Variants in GXYLT2 observed in about 807,000 individuals in gnomAD.
The protein encoded by GXYLT2 is glycosyltransferase 8 domain containing 4.
In GXYLT2, 53 loss-of-function variants were observed where a neutral mutation model predicts 45.8. That is an observed-to-expected ratio of 1.16 (90% confidence interval 0.93 to 1.46). GXYLT2 has a LOEUF of 1.46. Among genes scored for constraint, GXYLT2 ranks in the 40% most tolerant of loss-of-function variants. GXYLT2 has a pLI of 0.00. For missense variants in GXYLT2, 551 were observed against 544.4 expected (o/e 1.01, Z -0.12); for synonymous variants, 219 against 214.2 (o/e 1.02, Z -0.19).
Position 72,922,179 on chromosome 3 carries a change from T to A in GXYLT2, c.469-25T>A. The A allele has an allele frequency of 1.9e-6, 3 of 1,609,200 alleles. No individual in the cohort carries two copies. The South Asian group carries it at 3.3e-5, about 18-fold the overall frequency. On this transcript the variant is annotated intron_variant, in intron 2 of 6. Transcript: ENST00000389617. ...CATATTTCCTAGGGCCTAATCACCC[T>A]TCCCTTGCTTCCCATGTTTTTCAGT...
At chr3:72,914,261 T>C (rs1709687883) in intron 2 of GXYLT2, among the ~76,000 whole-genome samples, 2 of 152,200 alleles carry the variant, frequency 1.3e-5, no homozygotes, top group Non-Finnish European at 2.9e-5. Context: ...TTGCCATCTA[T>C]GTGGTAGATA....
At chr3:72,907,679 A>T (rs1473958771) in intron 1 of GXYLT2, among the ~76,000 whole-genome samples, 3 of 151,990 alleles carry the variant, frequency 2.0e-5, no homozygotes, top group Non-Finnish European at 4.4e-5. Context: ...TTTCAGATTA[A>T]CCTACCCCCT....
At chr3:72,926,482 G>A (rs1322571874) in intron 3 of GXYLT2, among the ~76,000 whole-genome samples, 4 of 152,106 alleles carry the variant, frequency 2.6e-5, no homozygotes, top group African/African-American at 4.8e-5. Context: ...AAAACAATAT[G>A]CCAATTACAA....
At chr3:72,894,776 G>A (rs989328675) in intron 1 of GXYLT2, among the ~76,000 whole-genome samples, 1 of 152,234 alleles carries the variant, frequency 6.6e-6, no homozygotes, top group Non-Finnish European at 1.5e-5. Context: ...AGGATGGCAA[G>A]TGAAAACGCT....
chr3:72,922,138 C>T, intron 2 of GXYLT2, 66 bp from the exon 3 acceptor site: 1 of 1,470,692 alleles, frequency 6.8e-7, no homozygotes, highest in Non-Finnish European at 9.3e-7. Context: ...CATCCAGAAG[C>T]TTCGCAGGCA....
intron 5 of GXYLT2, among the ~76,000 whole-genome samples, chr3:72,963,104 G>A (rs375129301): frequency 6.6e-6 from 1 of 151,982 alleles, no homozygotes; most frequent in African/African-American, 2.4e-5. Context: ...TTGAGGCCAG[G>A]AGTCCAAGAC....
intron 3 of GXYLT2, chr3:72,929,174 G>A (rs1372104574): frequency 5.7e-6 from 9 of 1,588,680 alleles, no homozygotes; most frequent in South Asian, 4.4e-5. Context: ...CTTTGACCGC[G>A]ATGATGTGGC....
intron 1 of GXYLT2, among the ~76,000 whole-genome samples, chr3:72,897,342 C>G (rs1214897740): frequency 1.3e-5 from 2 of 152,212 alleles, no homozygotes; most frequent in Non-Finnish European, 2.9e-5. Context: ...GTGACACTCT[C>G]AGGTAAATTT....
At chr3:72,943,854 A>AT (rs527656824) in intron 3 of GXYLT2, among the ~76,000 whole-genome samples, 3,064 of 135,242 alleles carry the variant, frequency 0.023, 93 homozygotes, top group African/African-American at 0.075. Context: ...TGAGAGCATC[A>AT]TTTTTTTTTT....
At chr3:72,934,168 A>G (rs895863940) in intron 3 of GXYLT2, among the ~76,000 whole-genome samples, 1 of 149,192 alleles carries the variant, frequency 6.7e-6, no homozygotes, top group Admixed American at 6.8e-5. Flanking sequence ...TGAAGCCTCA[A>G]CCTCCTCCTG....
At chr3:72,953,977 G>A (rs553525423) in intron 3 of GXYLT2, among the ~76,000 whole-genome samples, 1 of 152,114 alleles carries the variant, frequency 6.6e-6, no homozygotes, top group Non-Finnish European at 1.5e-5. Context: ...TGTCGTCCTA[G>A]CTACTCGGGA....
chr3:72,955,098 G>A lies in GXYLT2; in HGVS notation c.601G>A (p.Val201Met). The A allele has an allele frequency of 1.2e-6, 2 of 1,613,586 alleles. No individual in the cohort carries two copies. Among genetic ancestry groups the A allele is most frequent in the Non-Finnish European group, 8.5e-7 (1 of 1,179,584 alleles). Residue 201 changes from valine (V) to methionine (M), a missense_variant and splice_region_variant, in exon 4 of 7, where the codon GTG becomes ATG. Val to Met is a conservative substitution (Grantham distance 21, BLOSUM62 1). Transcript: ENST00000389617. The part of the protein sequence containing the change: ...PCAAQRLFLP[V>M]ILKDVDSLLY... ...TTACACCCACTCCTTACACACAAAG[G>A]TGATTTTAAAGGATGTGGACTCACT...
At chr3:72,945,886 T>C (rs1710393147) in intron 3 of GXYLT2, among the ~76,000 whole-genome samples, 1 of 152,192 alleles carries the variant, frequency 6.6e-6, no homozygotes, top group African/African-American at 2.4e-5. Context: ...AATCACAGTT[T>C]TAGTACTTTA....
intron 2 of GXYLT2, 123 bp downstream of exon 2, chr3:72,908,682 G>C: frequency 1.3e-6 from 1 of 768,130 alleles, no homozygotes; most frequent in South Asian, 1.8e-5. Context: ...TTGAACACTT[G>C]ACTCTGAGCC....
intron 3 of GXYLT2, among the ~76,000 whole-genome samples, chr3:72,954,676 A>ATAAATAAG (rs1334314682): frequency 6.6e-6 from 1 of 151,448 alleles, no homozygotes; most frequent in Non-Finnish European, 1.5e-5. Flanking sequence ...AAATAAATAA[A>ATAAATAAG]TAGAGATTGT....
At position 72,890,614 on chromosome 3, in the gene GXYLT2, G is replaced by GT. The variant is rs150753536; in HGVS notation, c.275+2107dup. 5.5e-3 allele frequency among the ~76,000 whole-genome samples: 834 copies of GT among 152,272 alleles called. 9 individuals carry two copies. Among genetic ancestry groups the GT allele is most frequent in the African/African-American group, 0.019 (792 of 41,568 alleles). ...CTGCAATTCGTAATTTTACTGAGAT[G>GT]TCTTTTAAAGAAACACTGTAGATTT... On this transcript the variant is annotated intron_variant, in intron 1 of 6. Transcript: ENST00000389617.
At chr3:72,960,859 C>T (rs1201931881) in intron 5 of GXYLT2, among the ~76,000 whole-genome samples, 1 of 152,138 alleles carries the variant, frequency 6.6e-6, no homozygotes, top group African/African-American at 2.4e-5. Flanking sequence ...GTATTGGCCA[C>T]GGCACAGCAG....
At chr3:72,914,762 T>C (rs935254905) in intron 2 of GXYLT2, among the ~76,000 whole-genome samples, 3 of 150,748 alleles carry the variant, frequency 2.0e-5, no homozygotes, top group Non-Finnish European at 4.4e-5. Flanking sequence ...ATTGAAAAGA[T>C]ACCGACGCCA....
rs373326400 is a variant in GXYLT2, at chr3:72,945,056, G to A, written c.601-10042G>A. Among the ~76,000 whole-genome samples, 140 of 150,100 alleles carry A rather than the reference G, an allele frequency of 9.3e-4. 1 individual carries two copies. Among genetic ancestry groups the A allele is most frequent in the Middle Eastern group, 6.8e-3 (2 of 294 alleles). On this transcript the variant is annotated intron_variant, in intron 3 of 6. Coordinates refer to ENST00000389617, the MANE Select transcript of GXYLT2 (RefSeq NM_001080393.2). ...TCTCTTCTACAATCAGCCTCAAAGC[G>A]TATTTAAAATTATAGTGGTTATCCA...
Sources: gnomAD v4.1 joint callset for allele counts (sites outside exome capture counted in the v4.1 genomes callset) on GRCh38, gnomAD v4.1.1 for gene constraint, MANE v1.5 for transcripts, NCBI Gene and HGNC (gene_info 2026-07-23, HGNC 2026-07-21) for gene names.